Variants in ADARB2 observed in about 807,000 individuals in gnomAD.
ADARB2 encodes adenosine deaminase RNA specific B2 (inactive), also known as inactive double-stranded RNA-specific editase B2.
A neutral mutation model predicts 62.2 loss-of-function variants in ADARB2; 25 were observed. That is an observed-to-expected ratio of 0.40 (90% CI 0.29 to 0.56). The LOEUF (loss-of-function observed/expected upper bound fraction) is 0.56. Among genes scored for constraint, ADARB2 ranks in the 20% least tolerant of loss-of-function variants. The pLI is 0.43. For synonymous variants in ADARB2, 572 were observed against 500.8 expected, an observed-to-expected ratio of 1.14 and a Z score of -1.90; for missense variants, 1,071 against 1,077.4, an observed-to-expected ratio of 0.99 and a Z score of 0.08.
intron 3 of ADARB2, among the ~76,000 whole-genome samples, chr10:1,323,627 C>T (rs1831817573): frequency 6.6e-6 from 1 of 151,944 alleles, no homozygotes; most frequent in Admixed American, 6.6e-5. Context: ...TGGACGGATG[C>T]ATGGGTCCAT....
chr10:1,605,886 T>C (rs948498735), intron 1 of ADARB2, among the ~76,000 whole-genome samples: 3 of 152,228 alleles, frequency 2.0e-5, no homozygotes, highest in Non-Finnish European at 2.9e-5. Flanking sequence ...AAGTCAATGA[T>C]TGGAATGAAA....
At chr10:1,623,213 AT>A (rs969671397) in intron 1 of ADARB2, among the ~76,000 whole-genome samples, 4 of 152,210 alleles carry the variant, frequency 2.6e-5, no homozygotes, top group African/African-American at 4.8e-5. Context: ...AAATGAAAAA[AT>A]AAGCTTCCTT....
At chr10:1,416,793 C>G (rs1832805998) in intron 1 of ADARB2, among the ~76,000 whole-genome samples, 1 of 152,266 alleles carries the variant, frequency 6.6e-6, no homozygotes, top group South Asian at 2.1e-4. Flanking sequence ...GCCAGTAAGT[C>G]ACGTGGTGAA....
chr10:1,183,825 G>A (rs1317311633), intron 9 of ADARB2, among the ~76,000 whole-genome samples: 1 of 152,186 alleles, frequency 6.6e-6, no homozygotes, highest in African/African-American at 2.4e-5. Context: ...ATCAAATGCA[G>A]CTCTGATACC....
intron 1 of ADARB2, among the ~76,000 whole-genome samples, chr10:1,428,424 C>T (rs1028005444): frequency 6.6e-6 from 1 of 151,814 alleles, no homozygotes; most frequent in Non-Finnish European, 1.5e-5. Flanking sequence ...GTAGCTGGGA[C>T]TACAGGCACC....
chr10:1,459,090 G>A (rs1195767093), intron 1 of ADARB2, among the ~76,000 whole-genome samples: 2 of 152,210 alleles, frequency 1.3e-5, no homozygotes, highest in African/African-American at 2.4e-5. Flanking sequence ...AACACTGTGG[G>A]TGGGAGTGCA....
At chr10:1,286,754 C>T (rs186480627) in intron 3 of ADARB2, among the ~76,000 whole-genome samples, 14 of 152,252 alleles carry the variant, frequency 9.2e-5, no homozygotes, top group East Asian at 5.8e-4. Context: ...CAGAGATGTA[C>T]GCCTGCAGCA....
intron 1 of ADARB2, among the ~76,000 whole-genome samples, chr10:1,651,990 TAC>T (rs1834117453): frequency 6.6e-6 from 1 of 152,218 alleles, no homozygotes; most frequent in Admixed American, 6.5e-5. Context: ...TGGTTTTCAA[TAC>T]AGAGAGCTGG....
At chr10:1,580,241 G>C (rs1833078669) in intron 1 of ADARB2, among the ~76,000 whole-genome samples, 1 of 152,174 alleles carries the variant, frequency 6.6e-6, no homozygotes, top group Non-Finnish European at 1.5e-5. Flanking sequence ...GTGGCTGATA[G>C]ATGGTTTTTC....
intron 4 of ADARB2, among the ~76,000 whole-genome samples, chr10:1,243,107 C>T (rs1228630709): frequency 6.6e-6 from 1 of 152,100 alleles, no homozygotes; most frequent in Non-Finnish European, 1.5e-5. Flanking sequence ...GCAAGGGCTC[C>T]CTAGGGAGTC....
chr10:1,223,345 A>G (rs1391741606), intron 6 of ADARB2, among the ~76,000 whole-genome samples: 1 of 152,246 alleles, frequency 6.6e-6, no homozygotes, highest in African/African-American at 2.4e-5. Context: ...CTAGATATAC[A>G]GTCATGTCAT....
At chr10:1,661,300 T>C (rs2133472) in intron 1 of ADARB2, among the ~76,000 whole-genome samples, 1,690 of 152,272 alleles carry the variant, frequency 0.011, 46 homozygotes, top group African/African-American at 0.039. Flanking sequence ...TTCCCAGTGG[T>C]TTTGTGTACC....
At chr10:1,436,148 G>A (rs1462796275) in intron 1 of ADARB2, among the ~76,000 whole-genome samples, 3 of 152,144 alleles carry the variant, frequency 2.0e-5, no homozygotes, top group African/African-American at 7.2e-5. Context: ...GTGTTTGCAT[G>A]TGCGTGTGTG....
At chr10:1,281,667 C>T (rs1258768293) in intron 3 of ADARB2, among the ~76,000 whole-genome samples, 1 of 152,244 alleles carries the variant, frequency 6.6e-6, no homozygotes, top group Non-Finnish European at 1.5e-5. Flanking sequence ...CATCCTGCCC[C>T]TCAGGGACCG....
At chr10:1,281,066 T>A (rs1173383098) in intron 3 of ADARB2, among the ~76,000 whole-genome samples, 1 of 152,250 alleles carries the variant, frequency 6.6e-6, no homozygotes, top group Non-Finnish European at 1.5e-5. Flanking sequence ...GCAATCAAAT[T>A]GAAGACTTAT....
intron 1 of ADARB2, among the ~76,000 whole-genome samples, chr10:1,599,687 C>A (rs181293836): frequency 6.6e-6 from 1 of 152,252 alleles, no homozygotes; most frequent in East Asian, 1.9e-4. Context: ...GGAAAAAATT[C>A]GCACCTGGCC....
At chr10:1,650,348 G>A (rs1834094443) in intron 1 of ADARB2, among the ~76,000 whole-genome samples, 1 of 152,178 alleles carries the variant, frequency 6.6e-6, no homozygotes, top group African/African-American at 2.4e-5. Flanking sequence ...TTTTGAGTAG[G>A]TCAGCATCCA....
intron 1 of ADARB2, among the ~76,000 whole-genome samples, chr10:1,558,173 C>T (rs1008450456): frequency 3.9e-5 from 6 of 152,054 alleles, no homozygotes; most frequent in African/African-American, 1.2e-4. Context: ...GCCTGGGCAC[C>T]GTCTCCCCGG....
chr10:1,227,741 A>G (rs1830761463), intron 6 of ADARB2, among the ~76,000 whole-genome samples: 1 of 152,256 alleles, frequency 6.6e-6, no homozygotes, highest in East Asian at 1.9e-4. Flanking sequence ...AGCACCAAAA[A>G]TGAAACAAAC....
Sources: gnomAD v4.1 joint callset for allele counts (sites outside exome capture counted in the v4.1 genomes callset) on GRCh38, gnomAD v4.1.1 for gene constraint, MANE v1.5 for transcripts, NCBI Gene and HGNC (gene_info 2026-07-23, HGNC 2026-07-21) for gene names.